STK3: variants seen among roughly 807,000 people sequenced by gnomAD.
The protein encoded by STK3 is serine/threonine kinase 3.
In STK3, 41 loss-of-function variants were observed where a neutral mutation model predicts 58.0. That is an observed-to-expected ratio of 0.71 (90% confidence interval 0.55 to 0.92). The LOEUF is 0.92. Among genes scored for constraint, STK3 ranks in the 40% least tolerant of loss-of-function variants. STK3 has a pLI of 0.00. For synonymous variants in STK3, 170 were observed against 191.0 expected (o/e 0.89, Z 0.91); for missense variants, 479 against 602.7 (o/e 0.79, Z 2.15).
At chr8:98,502,768 T>C (rs1161308166) in intron 10 of STK3, among the ~76,000 whole-genome samples, 1 of 152,184 alleles carries the variant, frequency 6.6e-6, no homozygotes, top group Non-Finnish European at 1.5e-5. Flanking sequence ...TTGATCATGG[T>C]GGATAAGCTT....
intron 10 of STK3, among the ~76,000 whole-genome samples, chr8:98,495,876 T>C (rs1468943037): frequency 6.6e-6 from 1 of 152,186 alleles, no homozygotes; most frequent in Non-Finnish European, 1.5e-5. Flanking sequence ...TCCATAGTCA[T>C]TTTGGCCTTG....
intron 6 of STK3, among the ~76,000 whole-genome samples, chr8:98,640,492 G>C (rs1035120339): frequency 1.5e-4 from 23 of 151,516 alleles, no homozygotes; most frequent in Non-Finnish European, 2.9e-4. Flanking sequence ...ACTAGTGAAG[G>C]GTTCCTAATA....
At chr8:98,854,554 C>A (rs1190766452) in intron 3 of STK3, among the ~76,000 whole-genome samples, 1 of 151,774 alleles carries the variant, frequency 6.6e-6, no homozygotes, top group Non-Finnish European at 1.5e-5. Flanking sequence ...GATTAATATA[C>A]AAAAATTAAT....
intron 1 of STK3, among the ~76,000 whole-genome samples, chr8:98,934,055 C>A (rs1183042277): frequency 2.0e-5 from 3 of 152,146 alleles, no homozygotes; most frequent in Non-Finnish European, 4.4e-5. Flanking sequence ...TCTGGGGAAC[C>A]CAAGCTGCAC....
At chr8:98,890,459 T>G (rs983882710) in intron 1 of STK3, among the ~76,000 whole-genome samples, 3 of 152,232 alleles carry the variant, frequency 2.0e-5, no homozygotes, top group Admixed American at 6.5e-5. Flanking sequence ...TTTACTTTTT[T>G]ATGTACCTTG....
intron 1 of STK3, among the ~76,000 whole-genome samples, chr8:98,803,469 C>T (rs1166429732): frequency 6.6e-6 from 1 of 151,712 alleles, no homozygotes; most frequent in African/African-American, 2.4e-5. Context: ...TAGGGGACGC[C>T]TGTAGTCCCA....
chr8:98,550,888 C>G (rs536562610), intron 8 of STK3, among the ~76,000 whole-genome samples: 221 of 152,288 alleles, frequency 1.5e-3, no homozygotes, highest in Non-Finnish European at 2.6e-3. Flanking sequence ...ACTAACCTTT[C>G]TTGAATACTA....
At chr8:98,858,307 TATATATATATATATATAG>T (rs1199374127) in intron 3 of STK3, among the ~76,000 whole-genome samples, 4 of 69,674 alleles carry the variant, frequency 5.7e-5, no homozygotes, top group African/African-American at 2.2e-4. Context: ...TATATATATA[TATATATATATATATATAG>T]AGAGAGAGAG....
intron 6 of STK3, among the ~76,000 whole-genome samples, chr8:98,663,334 C>A (rs550828290): frequency 6.6e-6 from 1 of 152,154 alleles, no homozygotes; most frequent in Non-Finnish European, 1.5e-5. Flanking sequence ...CCATCTCACA[C>A]CAGTTAGAAT....
chr8:98,598,500 G>T, intron 6 of STK3: 1 of 985,258 alleles, frequency 1.0e-6, no homozygotes, highest in Non-Finnish European at 1.2e-6. Flanking sequence ...ATTTTTTAAG[G>T]TTAGCTCATC....
chr8:98,674,311 T>C (rs1823044047), intron 6 of STK3, among the ~76,000 whole-genome samples: 1 of 152,068 alleles, frequency 6.6e-6, no homozygotes, highest in Admixed American at 6.6e-5. Context: ...GTTTAAACAA[T>C]ATATAAAATA....
intron 1 of STK3, among the ~76,000 whole-genome samples, chr8:98,823,897 A>C (rs1835071280): frequency 6.6e-6 from 1 of 152,208 alleles, no homozygotes; most frequent in Non-Finnish European, 1.5e-5. Flanking sequence ...GGATGACCTC[A>C]AAACGAGTAG....
intron 3 of STK3, among the ~76,000 whole-genome samples, chr8:98,837,634 A>G (rs964261605): frequency 6.6e-6 from 1 of 152,212 alleles, no homozygotes; most frequent in Admixed American, 6.5e-5. Flanking sequence ...TTACATTGAT[A>G]TAAGGAAACT....
chr8:98,409,110 T>C (rs1818028751), intron 3 of STK3, among the ~76,000 whole-genome samples: 1 of 152,168 alleles, frequency 6.6e-6, no homozygotes. Context: ...CATGCCCCAG[T>C]CCACTCAGTT....
chr8:98,602,202 A>C (rs925769593), intron 6 of STK3: 1 of 152,172 alleles, frequency 6.6e-6, no homozygotes, highest in Non-Finnish European at 1.5e-5. Flanking sequence ...AGTGTCTTCT[A>C]TTGTCTGAAT....
intron 8 of STK3, among the ~76,000 whole-genome samples, chr8:98,557,878 T>C (rs1383595257): frequency 2.6e-5 from 4 of 152,072 alleles, no homozygotes; most frequent in Non-Finnish European, 4.4e-5. Flanking sequence ...CCAAACGTCA[T>C]AAAAGACTTA....
intron 3 of STK3, among the ~76,000 whole-genome samples, chr8:98,393,433 A>T (rs1586546601): frequency 6.6e-6 from 1 of 152,068 alleles, no homozygotes; most frequent in East Asian, 1.9e-4. Flanking sequence ...GTGACTTTAT[A>T]GCTCCTCCCA....
chr8:98,552,069 T>C (rs959691457), intron 8 of STK3, among the ~76,000 whole-genome samples: 3 of 152,138 alleles, frequency 2.0e-5, no homozygotes, highest in African/African-American at 7.2e-5. Context: ...GTACCTGAAT[T>C]ATGTTTAAAT....
intron 6 of STK3, among the ~76,000 whole-genome samples, chr8:98,660,395 G>T (rs1195208819): frequency 6.6e-6 from 1 of 151,982 alleles, no homozygotes; most frequent in Non-Finnish European, 1.5e-5. Context: ...CTGAAAAACA[G>T]TTAAGATGGT....
Sources: gnomAD v4.1 joint callset for allele counts (sites outside exome capture counted in the v4.1 genomes callset) on GRCh38, gnomAD v4.1.1 for gene constraint, MANE v1.5 for transcripts, NCBI Gene and HGNC (gene_info 2026-07-23, HGNC 2026-07-21) for gene names.